The following ARHGEF2 variants were observed in gnomAD, a reference collection of about 807,000 sequenced individuals.
The protein encoded by ARHGEF2 is rho guanine nucleotide exchange factor 2.
A neutral mutation model predicts 121.0 loss-of-function variants in ARHGEF2; 22 were observed. The ratio of observed to expected loss-of-function variants is 0.18; its 90% CI spans 0.13 to 0.26. The LOEUF is 0.26. ARHGEF2 is among the 10% of genes least tolerant of loss of function. The pLI is 1.00. For synonymous variants in ARHGEF2, 487 were observed against 530.0 expected, an observed-to-expected ratio of 0.92 and a Z score of 1.11; for missense variants, 907 against 1,336.0, an observed-to-expected ratio of 0.68 and a Z score of 5.01.
intron 13 of ARHGEF2, 110 bp downstream of exon 13, chr1:155,957,603 C>G: frequency 7.7e-7 from 1 of 1,293,120 alleles, no homozygotes; most frequent in South Asian, 1.5e-5. Flanking sequence ...TCAACCTCTT[C>G]CCCCACCTCT....
intron 1 of ARHGEF2, among the ~76,000 whole-genome samples, chr1:155,974,853 G>A (rs954955218): frequency 9.4e-5 from 4 of 42,680 alleles, no homozygotes; most frequent in East Asian, 8.1e-4. Flanking sequence ...CAGAAAGAGA[G>A]GGGGGGTAAG....
intron 2 of ARHGEF2, 92 bp from the exon 3 acceptor site, chr1:155,966,979 A>G (rs1005797536): frequency 7.8e-7 from 1 of 1,275,994 alleles, no homozygotes; most frequent in East Asian, 2.3e-5. Context: ...TCCTGGCCAC[A>G]CAGTCCTCGG....
At chr1:155,967,931 G>A (rs956603364) in intron 2 of ARHGEF2, among the ~76,000 whole-genome samples, 15 of 152,114 alleles carry the variant, frequency 9.9e-5, no homozygotes, top group African/African-American at 3.6e-4. Context: ...AGCAGAGGGG[G>A]CAGACAGAAG....
At position 155,976,505 on chromosome 1, in the gene ARHGEF2, C is replaced by A. The variant is rs1572210108; in HGVS notation, c.63+1860G>T. 2.0e-5 allele frequency among the ~76,000 whole-genome samples: 3 copies of A among 150,192 alleles called. No homozygotes were observed. The East Asian group carries it at 5.9e-4, about 30-fold the overall frequency. On this transcript the variant is annotated intron_variant, in intron 1 of 21. Coordinates refer to ENST00000361247, the MANE Select transcript of ARHGEF2 (RefSeq NM_001162383.2). ...TAGTAGAAAGAAGAGCCAGTCCCCC[C>A]ACCACCAAAAACAAAAACAAAAACA...
intron 1 of ARHGEF2, chr1:155,972,444 A>C: frequency 2.7e-6 from 1 of 366,682 alleles, no homozygotes; most frequent in South Asian, 1.9e-5. Flanking sequence ...GGGCCTGCTT[A>C]CCAGGGGTGC....
chr1:155,979,095 G>A (rs1681871787), upstream of ARHGEF2: 1 of 985,518 alleles, frequency 1.0e-6, no homozygotes, highest in African/African-American at 1.7e-5. Flanking sequence ...ACTAAACGCT[G>A]GATCTTCAGT....
At chr1:155,952,499 C>T in intron 15 of ARHGEF2, 129 bp downstream of exon 15, 1 of 1,131,304 alleles carries the variant, frequency 8.8e-7, no homozygotes, top group Non-Finnish European at 1.2e-6. Context: ...CCAGAAGAGG[C>T]ACTCAGGGCC....
intron 13 of ARHGEF2, 30 bp from the exon 14 acceptor site, chr1:155,954,999 A>G (rs760001688): frequency 2.5e-6 from 4 of 1,590,406 alleles, no homozygotes; most frequent in Non-Finnish European, 3.4e-6. Context: ...CATGCCATTG[A>G]GAGACAGAAG....
intron 1 of ARHGEF2, among the ~76,000 whole-genome samples, chr1:155,971,539 C>T (rs1282165737): frequency 7.1e-6 from 1 of 140,814 alleles, no homozygotes; most frequent in African/African-American, 2.5e-5. Flanking sequence ...GAGATTGGGC[C>T]ACTGCACTCC....
Position 155,965,873 on chromosome 1 carries a change from C to T in ARHGEF2, c.341-113G>A. The T allele has an allele frequency of 1.5e-6, 2 of 1,297,400 alleles. No homozygotes were observed. Among genetic ancestry groups the T allele is most frequent in the Non-Finnish European group, 1.0e-6 (1 of 978,878 alleles). 80.4% of individuals were successfully genotyped at this position (1,297,400 alleles called of 1,614,324 possible). On this transcript the variant is annotated intron_variant, in intron 4 of 21. Transcript: ENST00000361247. This position sits in a 1 kb window ranked among gnomAD's most constrained non-coding sequence, Gnocchi z 6.0. ...GGCATCCTCTCACTCCACCTCAGCC[C>T]CTCTAGTCAAGAAAGATGGTAATGA...
chr1:155,969,471 C>G, intron 1 of ARHGEF2, 171 bp from the exon 2 acceptor site: 1 of 1,439,736 alleles, frequency 6.9e-7, no homozygotes, highest in Non-Finnish European at 9.1e-7. Flanking sequence ...GGCAGCTGTC[C>G]GGGAGTGACC....
intron 11 of ARHGEF2, among the ~76,000 whole-genome samples, chr1:155,959,702 G>A (rs558563749): frequency 8.0e-4 from 122 of 151,776 alleles, no homozygotes; most frequent in African/African-American, 2.9e-3. Context: ...ATGCTGCCAT[G>A]CCTGGCTAAT....
chr1:155,947,519 C>A lies in ARHGEF2; in HGVS notation c.*423G>T. On this transcript the variant is annotated 3_prime_UTR_variant, in exon 22 of 22. Transcript: ENST00000361247. ...AGCCTCTCCTCCAAGACGGATGTTG[C>A]AGGGGAGGGCCGTTAGGGCAAGAAC... 1 of 431,890 alleles carries A rather than the reference C, an allele frequency of 2.3e-6. No homozygotes were observed. The allele number at this position is 431,890 out of a possible 1,614,324, so 26.8% of individuals were successfully genotyped here.
chr1:155,968,881 G>C (rs1208094712), intron 2 of ARHGEF2: 3 of 419,340 alleles, frequency 7.2e-6, no homozygotes, highest in African/African-American at 6.0e-5. Flanking sequence ...GGGGAGCAAG[G>C]GGGGTGCCTG....
rs771364155 is a variant in ARHGEF2, at chr1:155,957,749, C to G, written c.1679G>C (p.Ser560Thr). Residue 560 changes from serine (S) to threonine (T), a missense_variant, in exon 13 of 22, where the codon AGC becomes ACC. Ser to Thr is a moderately conservative substitution (Grantham distance 58, BLOSUM62 1). This residue lies in a region of ARHGEF2 where 475 missense variants were observed against 776.5 expected (regional missense o/e 0.61). Transcript: ENST00000361247. The part of the protein sequence containing the change: ...EVHTASRDDR[S>T]TWIRVIQQSV... ...CTGCTGAATGACCCGGATCCAGGTG[C>G]TCCGGTCATCCCGGGATGCTGTGTG... 6.2e-7 allele frequency: 1 copy of G among 1,613,870 alleles called. No homozygotes were observed. The highest frequency in any genetic ancestry group is 8.5e-7 in the Non-Finnish European group (1 of 1,179,958).
intron 11 of ARHGEF2, among the ~76,000 whole-genome samples, chr1:155,960,675 AG>A (rs1439618506): frequency 6.6e-6 from 1 of 152,158 alleles, no homozygotes; most frequent in Non-Finnish European, 1.5e-5. Flanking sequence ...TAAAGGAAAG[AG>A]GCTGGTGAAG....
rs1433774831 is a variant in ARHGEF2, at chr1:155,947,306, C to T, written c.*636G>A. 3 of 453,788 alleles carry T rather than the reference C, an allele frequency of 6.6e-6. No individual in the cohort carries two copies. The highest frequency in any genetic ancestry group is 1.3e-5 in the Non-Finnish European group (3 of 225,650). The allele number at this position is 453,788 out of a possible 1,614,324, so 28.1% of individuals were successfully genotyped here. A position where few individuals can be genotyped will look rare whatever the true frequency, so the allele number is the denominator to read the frequency against. On this transcript the variant is annotated 3_prime_UTR_variant, in exon 22 of 22. Transcript: ENST00000361247. ...TCCCTGTGGGTTTTTTCCCTCACCC[C>T]CAACAAACCATTATGGCCACCCCAA...
intron 14 of ARHGEF2, among the ~76,000 whole-genome samples, chr1:155,954,007 A>T (rs193260387): frequency 3.9e-5 from 6 of 152,056 alleles, no homozygotes; most frequent in Non-Finnish European, 7.4e-5. Flanking sequence ...TGTTACCCAG[A>T]CTGGAGTGCA....
chr1:155,972,384 G>A (rs1323656231), intron 1 of ARHGEF2: 2 of 443,886 alleles, frequency 4.5e-6, no homozygotes, highest in Non-Finnish European at 9.2e-6. Context: ...TGTCCCGGAG[G>A]TTGCCTGTGC....
Sources: gnomAD v4.1 joint callset for allele counts (sites outside exome capture counted in the v4.1 genomes callset) on GRCh38, gnomAD v4.1.1 for gene constraint, gnomAD v4.1.1 regional missense constraint, Gnocchi (gnomAD v3.1) non-coding constraint, MANE v1.5 for transcripts, NCBI Gene and HGNC (gene_info 2026-07-23, HGNC 2026-07-21) for gene names.